Variants in NEDD4L observed in about 807,000 individuals in gnomAD.
NEDD4L encodes the protein NEDD4 like E3 ubiquitin protein ligase, also known as E3 ubiquitin-protein ligase NEDD4-like.
A neutral mutation model predicts 148.9 loss-of-function variants in NEDD4L; 54 were observed. That is an observed-to-expected ratio of 0.36 (90% CI 0.29 to 0.45). The LOEUF (loss-of-function observed/expected upper bound fraction) is 0.45. NEDD4L is among the 20% of genes least tolerant of loss of function. The probability of loss-of-function intolerance (pLI) is 1.00; values close to 1 mark genes in which losing one functional copy is unlikely to be tolerated. For synonymous variants in NEDD4L, 433 were observed against 440.7 expected, an observed-to-expected ratio of 0.98 and a Z score of 0.22; for missense variants, 856 against 1,233.8, an observed-to-expected ratio of 0.69 and a Z score of 4.59.
chr18:58,129,314 C>T (rs1241335867), intron 1 of NEDD4L, among the ~76,000 whole-genome samples: 1 of 152,206 alleles, frequency 6.6e-6, no homozygotes, highest in Non-Finnish European at 1.5e-5. Flanking sequence ...GAAGGAGAAA[C>T]CAAGTCATCT....
At chr18:58,197,188 A>G (rs770136248) in intron 2 of NEDD4L, among the ~76,000 whole-genome samples, 1 of 152,186 alleles carries the variant, frequency 6.6e-6, no homozygotes, top group Non-Finnish European at 1.5e-5. Flanking sequence ...TTGCCATGAT[A>G]GAGCCTGGGC....
At chr18:58,185,221 C>A (rs1024864289) in intron 2 of NEDD4L, among the ~76,000 whole-genome samples, 1 of 152,114 alleles carries the variant, frequency 6.6e-6, no homozygotes, top group Non-Finnish European at 1.5e-5. Context: ...GCTGGATTAC[C>A]CCAGACTGTA....
At chr18:58,357,088 G>A in intron 18 of NEDD4L, 106 bp from the exon 19 acceptor site, 1 of 1,021,010 alleles carries the variant, frequency 9.8e-7, no homozygotes, top group Non-Finnish European at 1.5e-6. Flanking sequence ...TGGGGGACTG[G>A]ACAGCTTTTG....
Position 58,388,998 on chromosome 18 carries a change from A to G in NEDD4L, c.2548-87A>G, listed in dbSNP as rs936990346. 10 of 1,031,422 alleles carry G rather than the reference A, an allele frequency of 9.7e-6. No homozygotes were observed. The East Asian group carries it at 1.3e-4, about 13-fold the overall frequency. 63.9% of individuals were successfully genotyped at this position (1,031,422 alleles called of 1,614,324 possible). On this transcript the variant is annotated intron_variant, in intron 27 of 30. Coordinates refer to ENST00000400345, the MANE Select transcript of NEDD4L (RefSeq NM_001144967.3). The stretch of plus-strand genomic sequence containing the variant: ...CTTACCTTCGCGGCACAGTGACCAC[A>G]TGCTGGCACTGAGGGTGGTCATTTC...
At chr18:58,099,216 T>C (rs774403661) in intron 1 of NEDD4L, among the ~76,000 whole-genome samples, 24 of 151,912 alleles carry the variant, frequency 1.6e-4, no homozygotes, top group Admixed American at 7.9e-4. Flanking sequence ...TTTTTTTCTC[T>C]TGCACAGGCT....
intron 11 of NEDD4L, among the ~76,000 whole-genome samples, chr18:58,332,425 A>G (rs952426715): frequency 6.6e-6 from 1 of 152,178 alleles, no homozygotes; most frequent in African/African-American, 2.4e-5. Context: ...AAGCAGGCGG[A>G]TCACCTGAGG....
At chr18:58,338,559 G>A (rs955603766) in intron 13 of NEDD4L, among the ~76,000 whole-genome samples, 25 of 152,288 alleles carry the variant, frequency 1.6e-4, no homozygotes, top group African/African-American at 3.8e-4. Flanking sequence ...CAAATTCAGC[G>A]TTCTGTACTA....
At chr18:58,241,645 T>C (rs11665627) in intron 2 of NEDD4L, among the ~76,000 whole-genome samples, 30,089 of 151,822 alleles carry the variant, frequency 0.2, 3,370 homozygotes, top group East Asian at 0.44. Flanking sequence ...GCTGACTGCT[T>C]TTTTCCTGGG....
chr18:58,272,078 T>C (rs2051124999), intron 5 of NEDD4L, among the ~76,000 whole-genome samples: 1 of 152,240 alleles, frequency 6.6e-6, no homozygotes, highest in South Asian at 2.1e-4. Context: ...TTATTACTTC[T>C]GAATTTTTCC....
At chr18:58,330,651 G>A in intron 10 of NEDD4L, 87 bp from the exon 11 acceptor site, 1 of 1,026,028 alleles carries the variant, frequency 9.7e-7, no homozygotes. Context: ...TATCACCGGG[G>A]CTATTGTTGT....
At chr18:58,067,561 C>T (rs914647344) in intron 1 of NEDD4L, among the ~76,000 whole-genome samples, 11 of 152,140 alleles carry the variant, frequency 7.2e-5, no homozygotes, top group Admixed American at 3.9e-4. Flanking sequence ...TTACCTGGTA[C>T]ATCTGCAGTT....
intron 1 of NEDD4L, chr18:58,046,304 C>T (rs62094337): frequency 0.064 from 9,726 of 151,910 alleles, 413 homozygotes; most frequent in Admixed American, 0.087. Context: ...TCCCTTGCAT[C>T]CTCTACTTCT....
chr18:58,294,609 A>AT (rs5825272), intron 5 of NEDD4L, among the ~76,000 whole-genome samples: 67,978 of 150,820 alleles, frequency 0.45, 15,906 homozygotes, highest in African/African-American at 0.59. Context: ...GACCATGTTG[A>AT]TTTTTTTTTG....
intron 5 of NEDD4L, among the ~76,000 whole-genome samples, chr18:58,314,952 A>G (rs1351472826): frequency 2.6e-5 from 4 of 152,228 alleles, no homozygotes; most frequent in Non-Finnish European, 5.9e-5. Context: ...GAAAAATAGC[A>G]TATGTGAATT....
At chr18:58,297,526 A>G (rs572939182) in intron 5 of NEDD4L, among the ~76,000 whole-genome samples, 8 of 152,148 alleles carry the variant, frequency 5.3e-5, no homozygotes, top group Non-Finnish European at 1.0e-4. Flanking sequence ...GTCGTGTTTG[A>G]TCCTGAGAGC....
At chr18:58,231,038 A>G (rs946393097) in intron 2 of NEDD4L, among the ~76,000 whole-genome samples, 18 of 152,156 alleles carry the variant, frequency 1.2e-4, no homozygotes, top group African/African-American at 4.3e-4. Flanking sequence ...CCTTGAGGCC[A>G]GGAGTTTGCA....
At chr18:58,178,994 TC>T (rs1195027316) in intron 2 of NEDD4L, among the ~76,000 whole-genome samples, 1 of 152,238 alleles carries the variant, frequency 6.6e-6, no homozygotes, top group Admixed American at 6.5e-5. Flanking sequence ...TTGTTTTTTT[TC>T]CTAGTAGGAA....
chr18:58,209,569 A>G (rs1247490945), intron 2 of NEDD4L, among the ~76,000 whole-genome samples: 1 of 140,058 alleles, frequency 7.1e-6, no homozygotes, highest in African/African-American at 2.7e-5. Context: ...CATCTTGGGT[A>G]TTTTTCTTTC....
chr18:58,400,930 AATATATTTGT>A lies in NEDD4L; in HGVS notation c.*4675_*4684del, dbSNP rs1479232114. On this transcript the variant is annotated 3_prime_UTR_variant, in exon 31 of 31. Transcript: ENST00000400345. ...CATATATACGTACATATGCTGTCCA[AATATATTTGT>A]ATATATTTGTATAGCATTTTTACAC... The A allele has an allele frequency of 6.6e-6, 1 of 152,172 alleles. No homozygotes were observed. The highest frequency in any genetic ancestry group is 1.5e-5 in the Non-Finnish European group (1 of 68,038). The allele number at this position is 152,172 out of a possible 1,614,324, so 9.4% of individuals were successfully genotyped here. A position where few individuals can be genotyped will look rare whatever the true frequency, so the allele number is the denominator to read the frequency against.
Sources: gnomAD v4.1 joint callset for allele counts (sites outside exome capture counted in the v4.1 genomes callset) on GRCh38, gnomAD v4.1.1 for gene constraint, MANE v1.5 for transcripts, NCBI Gene and HGNC (gene_info 2026-07-23, HGNC 2026-07-21) for gene names.